Variants in HERC6 observed in about 807,000 individuals in gnomAD.
The protein encoded by HERC6 is HECT and RLD domain containing E3 ubiquitin protein ligase family member 6, also known as probable E3 ubiquitin-protein ligase HERC6.
Under a neutral mutation model 114.5 loss-of-function variants are expected in HERC6, and 101 were observed. The observed-to-expected ratio is 0.88, with a 90% CI of 0.75 to 1.04. HERC6 has a LOEUF of 1.04. Among genes scored for constraint, HERC6 ranks in the 50% least tolerant of loss-of-function variants. The probability of loss-of-function intolerance (pLI) is 0.00; values close to 1 mark genes in which losing one functional copy is unlikely to be tolerated. For missense variants in HERC6, 1,133 were observed against 1,230.9 expected (o/e 0.92, Z 1.19); for synonymous variants, 408 against 436.2 (o/e 0.94, Z 0.81).
At chr4:88,417,294 A>G in intron 12 of HERC6, 131 bp from the exon 13 acceptor site, 1 of 898,314 alleles carries the variant, frequency 1.1e-6, no homozygotes, top group Non-Finnish European at 1.7e-6. Flanking sequence ...TACTTAAAAA[A>G]GATATTCATA....
At position 88,381,684 on chromosome 4, in the gene HERC6, A is replaced by G. The variant is rs192536906; in HGVS notation, c.200-1537A>G. Among the ~76,000 whole-genome samples the G allele has an allele frequency of 1.2e-4, 18 of 151,246 alleles. 1 individual carries two copies. The East Asian group carries it at 3.5e-3, about 29-fold the overall frequency. On this transcript the variant is annotated intron_variant, in intron 1 of 22. Coordinates refer to ENST00000264346, the MANE Select transcript of HERC6 (RefSeq NM_017912.4). ...ACGGTTCTTCTGCCTCAGCCTCCCAAGTAGCAGGGATTACAGGCACTCACC... is the reference window on the plus strand; with the variant it reads ...ACGGTTCTTCTGCCTCAGCCTCCCAGGTAGCAGGGATTACAGGCACTCACC...
chr4:88,428,706 CA>C lies in HERC6; in HGVS notation c.2064del (p.Gln688HisfsTer2). 6.3e-7 allele frequency: 1 copy of C among 1,592,226 alleles called. No homozygotes were observed. Among genetic ancestry groups the C allele is most frequent in the Non-Finnish European group, 8.5e-7 (1 of 1,170,544 alleles). ...TCGCCTGGTTAAAGATGCTCTGCGT[CA>C]ATTAAGTCAAGCTGAAGCTACTGAC... The part of the protein sequence containing the change: ...RSRLVKDALR[Q>X]LSQAEATDFC... On this transcript the variant is annotated frameshift_variant, in exon 16 of 23. Coordinates refer to ENST00000264346, the MANE Select transcript of HERC6 (RefSeq NM_017912.4). LOFTEE classifies it high-confidence loss of function.
At chr4:88,386,117 C>T (rs111583782) in intron 3 of HERC6, among the ~76,000 whole-genome samples, 10 of 151,716 alleles carry the variant, frequency 6.6e-5, no homozygotes, top group African/African-American at 2.2e-4. Context: ...CCCTCTTATG[C>T]GTAGTCTTTG....
At position 88,414,641 on chromosome 4, in the gene HERC6, C is replaced by G. The variant is rs1347846883; in HGVS notation, c.1558+1375C>G. ...AAGAAGGGGTGGGTTATTCATACCT[C>G]CCCTTTTTAGATCATATAGGGTAAC... On this transcript the variant is annotated intron_variant, in intron 12 of 22. Coordinates refer to ENST00000264346, the MANE Select transcript of HERC6 (RefSeq NM_017912.4). Among the ~76,000 whole-genome samples the G allele has an allele frequency of 2.0e-5, 3 of 152,146 alleles. No homozygotes were observed. The East Asian group carries it at 5.8e-4, about 29-fold the overall frequency.
chr4:88,382,485 G>A (rs930381006), intron 1 of HERC6, among the ~76,000 whole-genome samples: 1 of 152,134 alleles, frequency 6.6e-6, no homozygotes, highest in African/African-American at 2.4e-5. Flanking sequence ...TAGCAAAATG[G>A]AGGAGATCCC....
intron 22 of HERC6, 45 bp downstream of exon 22, chr4:88,440,295 A>G: frequency 1.9e-6 from 2 of 1,073,798 alleles, no homozygotes; most frequent in Non-Finnish European, 2.8e-6. Flanking sequence ...TGTATCTTTT[A>G]AAAAGGTACA....
chr4:88,395,935 T>C lies in HERC6; in HGVS notation c.760-80T>C, dbSNP rs1735205876. 10 of 1,340,592 alleles carry C rather than the reference T, an allele frequency of 7.5e-6. No homozygotes were observed. The South Asian group carries it at 1.2e-4, about 17-fold the overall frequency. 83.0% of individuals were successfully genotyped at this position (1,340,592 alleles called of 1,614,324 possible). On this transcript the variant is annotated intron_variant, in intron 5 of 22. Coordinates refer to ENST00000264346, the MANE Select transcript of HERC6 (RefSeq NM_017912.4). ...TTTCACAGAGTGCTCCCGTATTAAC[T>C]CTTGTATGACACTTAATCAGTAAGC...
Position 88,403,725 on chromosome 4 carries a change from G to A in HERC6, c.1093-1151G>A, listed in dbSNP as rs542248287. Among the ~76,000 whole-genome samples, 14 of 152,030 alleles carry A rather than the reference G, an allele frequency of 9.2e-5. No individual in the cohort carries two copies. The East Asian group carries it at 2.7e-3, about 29-fold the overall frequency. On this transcript the variant is annotated intron_variant, in intron 8 of 22. Coordinates refer to ENST00000264346, the MANE Select transcript of HERC6 (RefSeq NM_017912.4). ...GCCAAGATCATGCCACTGCACTCCAGCCTGGGTGACAGAGCAAGACTCTGT... is the reference window on the plus strand; with the variant it reads ...GCCAAGATCATGCCACTGCACTCCAACCTGGGTGACAGAGCAAGACTCTGT...
At chr4:88,379,682 A>G (rs1453342737) in intron 1 of HERC6, among the ~76,000 whole-genome samples, 1 of 52,046 alleles carries the variant, frequency 1.9e-5, no homozygotes, top group South Asian at 5.6e-4. Context: ...ATATAAATAT[A>G]TACAAATATA....
chr4:88,397,055 T>C, intron 7 of HERC6, 68 bp downstream of exon 7: 1 of 1,434,132 alleles, frequency 7.0e-7, no homozygotes, highest in South Asian at 1.4e-5. Flanking sequence ...GTATTCAGCT[T>C]CCTTTCAAAG....
chr4:88,403,059 C>T (rs1400133636), intron 8 of HERC6, among the ~76,000 whole-genome samples: 1 of 152,218 alleles, frequency 6.6e-6, no homozygotes, highest in Non-Finnish European at 1.5e-5. Context: ...TAGCAGAGCA[C>T]TAATGCCTTT....
chr4:88,395,502 A>T (rs766146805), intron 5 of HERC6, among the ~76,000 whole-genome samples: 1 of 152,192 alleles, frequency 6.6e-6, no homozygotes, highest in Non-Finnish European at 1.5e-5. Flanking sequence ...ACATTGTGAA[A>T]TGATTACCAC....
intron 4 of HERC6, among the ~76,000 whole-genome samples, chr4:88,392,038 CCCTCCCTCCCCTCCCCCTT>C (rs1200719155): frequency 3.9e-5 from 2 of 51,334 alleles, no homozygotes; most frequent in Non-Finnish European, 7.8e-5. Context: ...CCCCTTCTCT[CCCTCCCTCCCCTCCCCCTT>C]CCTCCCCTCC....
At chr4:88,393,805 G>C (rs1455729487) in intron 5 of HERC6, among the ~76,000 whole-genome samples, 1 of 152,136 alleles carries the variant, frequency 6.6e-6, no homozygotes, top group Non-Finnish European at 1.5e-5. Flanking sequence ...TCTGATGAGG[G>C]CCAAACTTCT....
In HERC6 at chr4:88,413,118, A is replaced by T. The variant is rs547230116; in HGVS notation, c.1410A>T (p.Pro470=). ...AGGATGATCTGCTCAGAGCTCTTCC[A>T]TGCCATTCTCCACACCAAGAAGCTT... is the stretch of plus-strand genomic sequence containing the variant. ...CLEDDLLRAL[P]CHSPHQEALS... is the part of the protein sequence containing the mutation. Residue 470 remains proline, a synonymous_variant, in exon 12 of 23, where the codon CCA becomes CCT. Transcript: ENST00000264346. The T allele has an allele frequency of 6.2e-7, 1 of 1,613,478 alleles. No homozygotes were observed. Among genetic ancestry groups the T allele is most frequent in the South Asian group, 1.1e-5 (1 of 91,044 alleles).
chr4:88,386,500 C>T (rs1734592559), intron 3 of HERC6, among the ~76,000 whole-genome samples: 1 of 152,078 alleles, frequency 6.6e-6, no homozygotes, highest in African/African-American at 2.4e-5. Context: ...GCCACTGTGC[C>T]CGGTCCCCAA....
At chr4:88,396,674 G>GTC (rs1230251202) in intron 6 of HERC6, among the ~76,000 whole-genome samples, 177 bp from the exon 7 acceptor site, 1 of 152,202 alleles carries the variant, frequency 6.6e-6, no homozygotes, top group Non-Finnish European at 1.5e-5. Flanking sequence ...TTGACTGACC[G>GTC]TCTGTTTAGC....
Position 88,435,876 on chromosome 4 carries a change from G to A in HERC6, c.2402G>A (p.Ser801Asn). The change falls in exon 18 of 23, where the codon AGT (serine) becomes AAT (asparagine). Residue 801 changes from serine to asparagine, a missense_variant. Coordinates refer to ENST00000264346, the MANE Select transcript of HERC6 (RefSeq NM_017912.4). ...KPSLEDLKEL[S>N]PRLGKSLQEV... Reference sequence around the variant, plus strand: ...TCATTGGAAGATTTAAAAGAACTCAGTCCTCGGTTGGGGAAGTAAGTAAAT... The same window carrying A: ...TCATTGGAAGATTTAAAAGAACTCAATCCTCGGTTGGGGAAGTAAGTAAAT... The A allele has an allele frequency of 6.2e-7, 1 of 1,603,498 alleles. No individual in the cohort carries two copies. Among genetic ancestry groups the A allele is most frequent in the Non-Finnish European group, 8.5e-7 (1 of 1,175,898 alleles).
In HERC6 at chr4:88,440,315, A is replaced by C. The variant is rs956013399; in HGVS notation, c.2842+65A>C. On this transcript the variant is annotated intron_variant, in intron 22 of 22. Transcript: ENST00000264346. The stretch of plus-strand genomic sequence containing the variant: ...CTTTTAAAAAGGTACAGTCTTGTTT[A>C]GAATGAAGCCATTGAAGTGGCCTCA... 8 of 967,298 alleles carry C rather than the reference A, an allele frequency of 8.3e-6. No individual in the cohort carries two copies. The African/African-American group carries it at 1.3e-4, about 16-fold the overall frequency. 59.9% of individuals were successfully genotyped at this position (967,298 alleles called of 1,614,324 possible).
Sources: allele counts gnomAD v4.1 joint callset (sites outside exome capture counted in the v4.1 genomes callset), GRCh38; gene constraint gnomAD v4.1.1; transcripts MANE v1.5; gene names NCBI Gene and HGNC (gene_info 2026-07-23, HGNC 2026-07-21).